CNR1: variants seen among roughly 807,000 people sequenced by gnomAD.
CNR1 encodes cannabinoid receptor 1, also known as cannabinoid receptor 1 (brain).
CNR1 carries 10 observed loss-of-function variants against 23.0 expected under a neutral mutation model. That is an observed-to-expected ratio of 0.43 (90% CI 0.27 to 0.74). The LOEUF is 0.74. Ranked by LOEUF, CNR1 falls within the 30% of genes least tolerant of loss-of-function variation. The pLI is 0.19. For synonymous variants in CNR1, 271 were observed against 255.2 expected (o/e 1.06, Z -0.59); for missense variants, 422 against 618.8 (o/e 0.68, Z 3.37).
At chr6:88,153,442 C>A (rs756280877) in intron 1 of CNR1, among the ~76,000 whole-genome samples, 5 of 152,168 alleles carry the variant, frequency 3.3e-5, no homozygotes, top group African/African-American at 4.8e-5. Context: ...ACCCATCATA[C>A]TCCTTCTCTG....
At chr6:88,150,841 T>C (rs1156607943) in intron 1 of CNR1, among the ~76,000 whole-genome samples, 5 of 152,230 alleles carry the variant, frequency 3.3e-5, no homozygotes, top group Admixed American at 2.6e-4. Flanking sequence ...CATATGTAAA[T>C]GGAGTTGTTT....
chr6:88,144,539 C>T lies in CNR1; in HGVS notation c.736G>A (p.Val246Met), dbSNP rs1777036400. The change falls in exon 2 of 2, where the codon GTG (valine) becomes ATG (methionine). Residue 246 changes from valine to methionine, a missense_variant. Val to Met is a conservative substitution (Grantham distance 21). Transcript: ENST00000369501. This position sits in a 1 kb window ranked among gnomAD's most constrained non-coding sequence, Gnocchi z 7.8. Reference sequence around the variant, plus strand: ...CCCAGGAGAGGCAGCACGGCGATCACAATGGCTATGGTCCACATCAGGCAA... The same window carrying T: ...CCCAGGAGAGGCAGCACGGCGATCATAATGGCTATGGTCCACATCAGGCAA... ...AFCLMWTIAI[V>M]IAVLPLLGWN... 1.2e-6 allele frequency: 2 copies of T among 1,614,208 alleles called. No individual in the cohort carries two copies. The highest frequency in any genetic ancestry group is 8.5e-7 in the Non-Finnish European group (1 of 1,180,044).
chr6:88,165,212 AGCCTT>A (rs1364213723), intron 1 of CNR1, among the ~76,000 whole-genome samples: 11 of 152,226 alleles, frequency 7.2e-5, no homozygotes, highest in Non-Finnish European at 1.2e-4. Context: ...ATGATTTGTA[AGCCTT>A]AACAAGAAAT....
chr6:88,145,509 G>A (rs1777134107), intron 1 of CNR1, 172 bp from the exon 2 acceptor site: 1 of 514,710 alleles, frequency 1.9e-6, no homozygotes, highest in East Asian at 3.1e-5. Flanking sequence ...GTCACTCAGA[G>A]AAAAGCTCCC....
At position 88,148,496 on chromosome 6, in the gene CNR1, A is replaced by C. The variant is rs538929809; in HGVS notation, c.-63-3159T>G. On this transcript the variant is annotated intron_variant, in intron 1 of 1. Transcript: ENST00000369501. Reference sequence around the variant, plus strand: ...GGATATACGTATTTCAAAATAGAACAAAAACAAGAAGCTCTTTTCTACCCA... The same window carrying C: ...GGATATACGTATTTCAAAATAGAACCAAAACAAGAAGCTCTTTTCTACCCA... Among the ~76,000 whole-genome samples, 12 of 152,284 alleles carry C rather than the reference A, an allele frequency of 7.9e-5. No homozygotes were observed. The East Asian group carries it at 1.4e-3, about 17-fold the overall frequency.
chr6:88,155,071 T>C (rs1777724426), intron 1 of CNR1, among the ~76,000 whole-genome samples: 1 of 152,234 alleles, frequency 6.6e-6, no homozygotes, highest in Non-Finnish European at 1.5e-5. Context: ...AAACAGGCTC[T>C]TACTTTTGCA....
intron 1 of CNR1, among the ~76,000 whole-genome samples, chr6:88,147,146 T>TA (rs896371348): frequency 6.6e-6 from 1 of 151,918 alleles, no homozygotes; most frequent in African/African-American, 2.4e-5. Flanking sequence ...AAAAGAAATT[T>TA]AAAAAAATTT....
chr6:88,144,800 G>A lies in CNR1; in HGVS notation c.475C>T (p.Leu159=). The A allele has an allele frequency of 6.2e-7, 1 of 1,614,208 alleles. No homozygotes were observed. The highest frequency in any genetic ancestry group is 8.5e-7 in the Non-Finnish European group (1 of 1,180,036). Residue 159 remains leucine, a synonymous_variant, in exon 2 of 2, where the codon CTG becomes TTG. Transcript: ENST00000369501. The surrounding 1 kb of genome is among the most constrained non-coding windows in gnomAD (Gnocchi z 7.8). The part of the protein sequence containing the change: ...CRPSYHFIGS[L]AVADLLGSVI... ...CTCCCCAGGAGGTCTGCCACCGCCA[G>A]GCTGCCGATGAAGTGGTAGGAAGGC...
At chr6:88,156,103 G>A (rs1777780787) in intron 1 of CNR1, among the ~76,000 whole-genome samples, 1 of 152,142 alleles carries the variant, frequency 6.6e-6, no homozygotes, top group Non-Finnish European at 1.5e-5. Context: ...CCATTCCTAA[G>A]TTCCTGGCTG....
At chr6:88,147,616 CT>C (rs1262537668) in intron 1 of CNR1, 1 of 152,196 alleles carries the variant, frequency 6.6e-6, no homozygotes, top group Non-Finnish European at 1.5e-5. Flanking sequence ...TGTGGCCCAC[CT>C]TCCCACATTC....
At chr6:88,163,626 A>C (rs567791527) in intron 1 of CNR1, among the ~76,000 whole-genome samples, 14 of 152,242 alleles carry the variant, frequency 9.2e-5, no homozygotes, top group Non-Finnish European at 2.1e-4. Context: ...CTGACACTGC[A>C]TACTAAACAC....
chr6:88,141,640 C>G lies in CNR1; in HGVS notation c.*2216G>C, dbSNP rs1164640968. On this transcript the variant is annotated 3_prime_UTR_variant, in exon 2 of 2. Transcript: ENST00000369501. ...CTGGTGAGTTCTTCTTGTAAATAAT[C>G]TCTCCTGTCTTTAGAAAGAGATCTT... 6.6e-6 allele frequency: 1 copy of G among 152,354 alleles called. No homozygotes were observed. The highest frequency in any genetic ancestry group is 1.5e-5 in the Non-Finnish European group (1 of 68,044). 9.4% of individuals were successfully genotyped at this position (152,354 alleles called of 1,614,324 possible).
intron 1 of CNR1, among the ~76,000 whole-genome samples, chr6:88,163,757 C>T (rs1234483013): frequency 6.6e-6 from 1 of 152,210 alleles, no homozygotes; most frequent in Non-Finnish European, 1.5e-5. Context: ...TTGAGAATTT[C>T]ATTCCCAGCA....
intron 1 of CNR1, among the ~76,000 whole-genome samples, chr6:88,154,374 G>A (rs529414800): frequency 6.6e-6 from 1 of 152,310 alleles, no homozygotes; most frequent in Admixed American, 6.5e-5. Flanking sequence ...ACTTCATTGG[G>A]TTAGGAACTA....
At chr6:88,147,588 CA>C (rs1037510558) in intron 1 of CNR1, 2 of 152,204 alleles carry the variant, frequency 1.3e-5, no homozygotes, top group Admixed American at 6.5e-5. Context: ...TAATTTGGAA[CA>C]GGCATAAAGT....
chr6:88,147,236 C>T (rs370810851), intron 1 of CNR1, among the ~76,000 whole-genome samples: 213 of 152,284 alleles, frequency 1.4e-3, no homozygotes, highest in Middle Eastern at 3.4e-3. Context: ...CGCTTGAACC[C>T]GGGAGGCGGA....
chr6:88,145,474 C>T, intron 1 of CNR1, 137 bp from the exon 2 acceptor site: 2 of 548,840 alleles, frequency 3.6e-6, no homozygotes, highest in South Asian at 5.3e-5. Flanking sequence ...AAGTTCTCAT[C>T]AGATTCAGTC....
intron 1 of CNR1, among the ~76,000 whole-genome samples, chr6:88,160,539 AT>A (rs1360292347): frequency 1.3e-5 from 2 of 150,844 alleles, no homozygotes; most frequent in Non-Finnish European, 2.9e-5. Context: ...GGTGCAAGCA[AT>A]TCTCCCACTT....
chr6:88,146,977 G>A (rs813949), intron 1 of CNR1, among the ~76,000 whole-genome samples: 1 of 152,108 alleles, frequency 6.6e-6, no homozygotes, highest in Non-Finnish European at 1.5e-5. Context: ...CTAGACACTA[G>A]TGTTGACAGC....
Sources: allele counts gnomAD v4.1 joint callset (sites outside exome capture counted in the v4.1 genomes callset), GRCh38; gene constraint gnomAD v4.1.1; non-coding constraint Gnocchi (gnomAD v3.1); transcripts MANE v1.5; gene names NCBI Gene and HGNC (gene_info 2026-07-23, HGNC 2026-07-21).